Variants in COMMD10 observed in about 807,000 individuals in gnomAD.
COMMD10 encodes COMM domain-containing protein 10.
In COMMD10, 33 loss-of-function variants were observed where a neutral mutation model predicts 28.9. The observed-to-expected ratio is 1.14, with a 90% CI of 0.87 to 1.53. The LOEUF (loss-of-function observed/expected upper bound fraction) is 1.53. Among genes scored for constraint, COMMD10 ranks in the 40% most tolerant of loss-of-function variants. The pLI is 0.00. For synonymous variants in COMMD10, 110 were observed against 81.7 expected, an observed-to-expected ratio of 1.35 and a Z score of -1.87; for missense variants, 310 against 233.4, an observed-to-expected ratio of 1.33 and a Z score of -2.14.
At chr5:116,255,684 AAC>A (rs771300119) in intron 5 of COMMD10, 5 of 151,600 alleles carry the variant, frequency 3.3e-5, no homozygotes, top group African/African-American at 4.9e-5. Flanking sequence ...AGCATAAGCT[AAC>A]ACTGTTATTT....
At chr5:116,257,164 C>T (rs1385783054) in intron 5 of COMMD10, among the ~76,000 whole-genome samples, 1 of 151,210 alleles carries the variant, frequency 6.6e-6, no homozygotes, top group Non-Finnish European at 1.5e-5. Flanking sequence ...AAACTATGTC[C>T]TGTGTTCCTG....
intron 4 of COMMD10, among the ~76,000 whole-genome samples, chr5:116,119,617 T>C (rs1286381961): frequency 4.6e-5 from 7 of 151,904 alleles, no homozygotes; most frequent in Non-Finnish European, 1.0e-4. Flanking sequence ...TTATTTTTTT[T>C]CCAGAGACAG....
chr5:116,176,268 C>G (rs555726399), intron 5 of COMMD10, among the ~76,000 whole-genome samples: 1 of 152,114 alleles, frequency 6.6e-6, no homozygotes, highest in East Asian at 1.9e-4. Context: ...TGTGCCACCA[C>G]GCCTAGCTGA....
chr5:116,206,332 T>C (rs1245354556), intron 5 of COMMD10, among the ~76,000 whole-genome samples: 1 of 152,126 alleles, frequency 6.6e-6, no homozygotes, highest in African/African-American at 2.4e-5. Context: ...TTATCATTGA[T>C]TTCTAGCACT....
chr5:116,154,333 T>C (rs745985919), intron 5 of COMMD10, among the ~76,000 whole-genome samples: 8 of 152,288 alleles, frequency 5.3e-5, no homozygotes, highest in Non-Finnish European at 8.8e-5. Context: ...GATTTAAAAC[T>C]TGAAATTTGT....
intron 5 of COMMD10, among the ~76,000 whole-genome samples, chr5:116,288,995 C>A (rs112419987): frequency 3.4e-4 from 51 of 150,348 alleles, no homozygotes; most frequent in African/African-American, 1.2e-3. Flanking sequence ...GATTCTCCTG[C>A]CTCAGCCTCC....
At chr5:116,221,383 T>G (rs963171516) in intron 5 of COMMD10, among the ~76,000 whole-genome samples, 1 of 152,164 alleles carries the variant, frequency 6.6e-6, no homozygotes, top group African/African-American at 2.4e-5. Context: ...TTAAATTCTT[T>G]CTGTGTTACA....
intron 5 of COMMD10, among the ~76,000 whole-genome samples, chr5:116,258,953 C>G (rs1304284988): frequency 2.0e-5 from 3 of 151,470 alleles, no homozygotes; most frequent in Admixed American, 2.0e-4. Context: ...ACTTCTAGAT[C>G]TATCCTCCTT....
chr5:116,262,442 A>G (rs1436934105), intron 5 of COMMD10, among the ~76,000 whole-genome samples: 2 of 151,692 alleles, frequency 1.3e-5, no homozygotes, highest in Non-Finnish European at 2.9e-5. Context: ...TTTTTGTTTT[A>G]TCCATCATTC....
chr5:116,242,367 A>T (rs1016597286), intron 5 of COMMD10, among the ~76,000 whole-genome samples: 1 of 152,164 alleles, frequency 6.6e-6, no homozygotes, highest in Admixed American at 6.5e-5. Context: ...GTTTTTGAGA[A>T]TTTCAGTCAC....
chr5:116,175,429 A>G (rs1303325579), intron 5 of COMMD10, among the ~76,000 whole-genome samples: 1 of 152,166 alleles, frequency 6.6e-6, no homozygotes, highest in Non-Finnish European at 1.5e-5. Context: ...TACCGGTGGC[A>G]ATGAATGTAA....
intron 5 of COMMD10, among the ~76,000 whole-genome samples, chr5:116,285,604 A>G (rs1439023992): frequency 6.6e-6 from 1 of 152,038 alleles, no homozygotes; most frequent in Non-Finnish European, 1.5e-5. Flanking sequence ...GTATCAATTT[A>G]GATGATTATG....
At chr5:116,163,423 T>TA (rs58449487) in intron 5 of COMMD10, among the ~76,000 whole-genome samples, 1,680 of 92,480 alleles carry the variant, frequency 0.018, 63 homozygotes, top group East Asian at 0.081. Flanking sequence ...CACCTCTACT[T>TA]AAAAAAAAAA....
At chr5:116,249,705 T>C (rs1472622399) in intron 5 of COMMD10, among the ~76,000 whole-genome samples, 2 of 151,540 alleles carry the variant, frequency 1.3e-5, no homozygotes, top group Non-Finnish European at 3.0e-5. Flanking sequence ...AATGGTTTTC[T>C]CTTACTATAG....
At chr5:116,269,460 T>C (rs188681523) in intron 5 of COMMD10, among the ~76,000 whole-genome samples, 3 of 151,850 alleles carry the variant, frequency 2.0e-5, no homozygotes, top group Admixed American at 1.3e-4. Flanking sequence ...ATATTGACTT[T>C]TAGATTTCAG....
intron 5 of COMMD10, among the ~76,000 whole-genome samples, chr5:116,266,249 T>C (rs1243423879): frequency 1.3e-4 from 20 of 151,728 alleles, no homozygotes; most frequent in Admixed American, 1.3e-3. Flanking sequence ...GACCTTTGAA[T>C]GTAATGCATG....
Position 116,285,656 on chromosome 5 carries a change from A to G in COMMD10, c.511-5861A>G, listed in dbSNP as rs1017215306. On this transcript the variant is annotated intron_variant, in intron 5 of 6. Transcript: ENST00000274458. ...TTCTGTTAATGCAGTGTAATACACT[A>G]ATCAATTTTCATATGCTGAACCATG... Among the ~76,000 whole-genome samples, 19 of 152,012 alleles carry G rather than the reference A, an allele frequency of 1.2e-4. 1 individual carries two copies. Among genetic ancestry groups the G allele is most frequent in the African/African-American group, 3.9e-4 (16 of 41,270 alleles).
chr5:116,107,470 G>A (rs948651379), intron 4 of COMMD10, among the ~76,000 whole-genome samples: 2 of 151,730 alleles, frequency 1.3e-5, no homozygotes, highest in East Asian at 1.9e-4. Flanking sequence ...TTATCGATTC[G>A]GCTATTGATA....
intron 5 of COMMD10, among the ~76,000 whole-genome samples, chr5:116,183,465 A>G (rs1288843577): frequency 3.9e-5 from 6 of 152,276 alleles, no homozygotes; most frequent in African/African-American, 1.2e-4. Context: ...CATATTTTTC[A>G]GGTATCCAAG....
Sources: allele counts gnomAD v4.1 joint callset (sites outside exome capture counted in the v4.1 genomes callset), GRCh38; gene constraint gnomAD v4.1.1; transcripts MANE v1.5; gene names NCBI Gene and HGNC (gene_info 2026-07-23, HGNC 2026-07-21).